The following WNK2 variants were observed in gnomAD, a reference collection of about 807,000 sequenced individuals.
WNK2 encodes the protein serine/threonine-protein kinase WNK2.
A neutral mutation model predicts 192.1 loss-of-function variants in WNK2; 67 were observed. That is an observed-to-expected ratio of 0.35 (90% CI 0.29 to 0.43). The LOEUF (loss-of-function observed/expected upper bound fraction) is 0.43. WNK2 is among the 20% of genes least tolerant of loss of function. The pLI is 1.00. For missense variants in WNK2, 2,698 were observed against 3,089.7 expected (o/e 0.87, Z 3.01); for synonymous variants, 1,439 against 1,393.9 (o/e 1.03, Z -0.72).
intron 2 of WNK2, among the ~76,000 whole-genome samples, chr9:93,224,357 A>G (rs1837445816): frequency 6.6e-6 from 1 of 152,132 alleles, no homozygotes; most frequent in South Asian, 2.1e-4. Context: ...GGTGGCCCTG[A>G]AGTGTCATAG....
intron 2 of WNK2, among the ~76,000 whole-genome samples, chr9:93,200,939 A>G (rs1213208390): frequency 2.0e-5 from 3 of 152,220 alleles, no homozygotes; most frequent in Admixed American, 6.5e-5. Flanking sequence ...ATATATGGAA[A>G]TAGATCTTAA....
intron 2 of WNK2, among the ~76,000 whole-genome samples, chr9:93,199,272 C>T (rs1376784268): frequency 6.6e-6 from 1 of 152,178 alleles, no homozygotes; most frequent in Non-Finnish European, 1.5e-5. Context: ...AGATGCTTGC[C>T]CCTGATTTTC....
In WNK2 at chr9:93,279,859, A is replaced by C. The variant is rs558025498; in HGVS notation, c.4034-8929A>C. Among the ~76,000 whole-genome samples the C allele has an allele frequency of 5.9e-5, 9 of 152,242 alleles. No homozygotes were observed. The East Asian group carries it at 1.3e-3, about 23-fold the overall frequency. On this transcript the variant is annotated intron_variant, in intron 19 of 29. Coordinates refer to ENST00000427277, the MANE Select transcript of WNK2 (RefSeq NM_006648.4). ...TTGATCATCCTTATACACACACACA[A>C]AAAAGGATGTTTATTCATACTGCAT... is the stretch of plus-strand genomic sequence containing the variant.
chr9:93,205,392 C>G (rs1017757134), intron 2 of WNK2, among the ~76,000 whole-genome samples: 1 of 152,166 alleles, frequency 6.6e-6, no homozygotes, highest in African/African-American at 2.4e-5. Context: ...TCTGGAGAGG[C>G]CATTGGCCCC....
At chr9:93,207,682 T>G (rs2131405329) in intron 2 of WNK2, among the ~76,000 whole-genome samples, 1 of 152,336 alleles carries the variant, frequency 6.6e-6, no homozygotes, top group South Asian at 2.1e-4. Context: ...GAAAATAGCC[T>G]CACTGTCAGT....
intron 2 of WNK2, among the ~76,000 whole-genome samples, chr9:93,211,928 A>G (rs1235685603): frequency 4.0e-5 from 6 of 150,460 alleles, no homozygotes; most frequent in Non-Finnish European, 5.9e-5. Context: ...TCACTCATCT[A>G]CTCATTCACT....
chr9:93,256,854 G>A, intron 10 of WNK2, 94 bp from the exon 11 acceptor site: 1 of 1,185,082 alleles, frequency 8.4e-7, no homozygotes, highest in Non-Finnish European at 1.2e-6. Flanking sequence ...GTGCATGTGA[G>A]GGTGAGGGTT....
chr9:93,312,075 AT>A (rs1231045318), intron 28 of WNK2, among the ~76,000 whole-genome samples: 1 of 152,088 alleles, frequency 6.6e-6, no homozygotes, highest in East Asian at 1.9e-4. Context: ...TTGAAGAAGT[AT>A]TTATTGAAGT....
intron 20 of WNK2, 133 bp downstream of exon 20, chr9:93,289,753 C>T (rs1392529266): frequency 9.9e-7 from 1 of 1,008,486 alleles, no homozygotes; most frequent in Non-Finnish European, 1.4e-6. Context: ...TCTTGGTGAC[C>T]CACCCACGTG....
At chr9:93,299,976 G>C in intron 25 of WNK2, 75 bp from the exon 26 acceptor site, 1 of 1,221,548 alleles carries the variant, frequency 8.2e-7, no homozygotes, top group Non-Finnish European at 1.2e-6. Flanking sequence ...GTGGCTGTTG[G>C]TGTGGAGGAG....
chr9:93,231,251 G>A (rs1838746506), intron 4 of WNK2, 143 bp downstream of exon 4: 2 of 803,980 alleles, frequency 2.5e-6, no homozygotes, highest in Non-Finnish European at 2.0e-6. Context: ...CTCGGGCCAG[G>A]GTGTCTGGGC....
intron 23 of WNK2, among the ~76,000 whole-genome samples, chr9:93,297,114 G>T (rs1380421999): frequency 6.8e-4 from 64 of 94,786 alleles, no homozygotes; most frequent in Non-Finnish European, 4.7e-4. Flanking sequence ...TCCCCTTGGC[G>T]TCCTCCCCTC....
At chr9:93,315,738 A>C (rs528573769) in intron 28 of WNK2, 1 of 151,746 alleles carries the variant, frequency 6.6e-6, no homozygotes, top group Non-Finnish European at 1.5e-5. Flanking sequence ...AGTCATGCAT[A>C]GTTTTTTCAT....
At chr9:93,262,867 G>T (rs928341474) in intron 14 of WNK2, 148 bp downstream of exon 14, 3 of 827,070 alleles carry the variant, frequency 3.6e-6, no homozygotes, top group Non-Finnish European at 5.8e-6. Flanking sequence ...TGACCTGGTG[G>T]AGCCTCAGGG....
intron 21 of WNK2, 69 bp from the exon 22 acceptor site, chr9:93,292,239 G>T (rs1239571503): frequency 6.4e-7 from 1 of 1,565,240 alleles, no homozygotes; most frequent in Admixed American, 1.7e-5. Context: ...GCTGCTTCGG[G>T]TCAGCTGTGA....
chr9:93,186,794 C>T (rs1461797102), intron 2 of WNK2, among the ~76,000 whole-genome samples: 1 of 152,216 alleles, frequency 6.6e-6, no homozygotes, highest in Non-Finnish European at 1.5e-5. Flanking sequence ...CTCCAGAGAC[C>T]TGCCTCTCCA....
At chr9:93,252,211 G>C (rs1007201573) in intron 8 of WNK2, among the ~76,000 whole-genome samples, 2 of 152,322 alleles carry the variant, frequency 1.3e-5, no homozygotes, top group Admixed American at 1.3e-4. Flanking sequence ...TGGGCTCTGG[G>C]GTCCTGTCTG....
At chr9:93,285,066 A>G (rs1386525685) in intron 19 of WNK2, among the ~76,000 whole-genome samples, 6 of 152,236 alleles carry the variant, frequency 3.9e-5, no homozygotes, top group Non-Finnish European at 8.8e-5. Context: ...TCCTTTTAGC[A>G]TTACTATTTT....
rs1339400890 is a variant in WNK2, at chr9:93,292,503, T to G, written c.5038T>G (p.Phe1680Val). ...CTTGTTTCCCAAGGATGTACCTGCT[T>G]TTGTGAGACCTGCACGTGTGGAGCC... is the stretch of plus-strand genomic sequence containing the variant. Reference protein sequence around the residue: ...VPSVPQDVPAFVRPARVEPTD... With the variant: ...VPSVPQDVPAVVRPARVEPTD... The change falls in exon 23 of 30, where the codon TTT (phenylalanine) becomes GTT (valine). Residue 1680 changes from phenylalanine (F) to valine (V), a missense_variant. Physicochemically the swap from Phe to Val is conservative, Grantham distance 50. This residue lies in a region of WNK2 where 1,098 missense variants were observed against 1,101.0 expected (regional missense o/e 1.00). Coordinates refer to ENST00000427277, the MANE Select transcript of WNK2 (RefSeq NM_006648.4). 6.3e-7 allele frequency: 1 copy of G among 1,597,522 alleles called. No homozygotes were observed. The highest frequency in any genetic ancestry group is 1.3e-5 in the African/African-American group (1 of 74,580).
Sources: allele counts gnomAD v4.1 joint callset (sites outside exome capture counted in the v4.1 genomes callset), GRCh38; gene constraint gnomAD v4.1.1; regional missense constraint gnomAD v4.1.1; transcripts MANE v1.5; gene names NCBI Gene and HGNC (gene_info 2026-07-23, HGNC 2026-07-21).